Variants in ASB11 observed in about 807,000 individuals in gnomAD.
ASB11 encodes the protein ankyrin repeat and SOCS box containing 11.
In ASB11, 17 loss-of-function variants were observed where a neutral mutation model predicts 20.1. The observed-to-expected ratio is 0.85, with a 90% CI of 0.58 to 1.27. The LOEUF (loss-of-function observed/expected upper bound fraction) is 1.27. Among genes scored for constraint, ASB11 ranks in the 50% most tolerant of loss-of-function variants. The pLI is 0.00. For synonymous variants in ASB11, 107 were observed against 105.6 expected, an observed-to-expected ratio of 1.01 and a Z score of -0.08; for missense variants, 259 against 256.9, an observed-to-expected ratio of 1.01 and a Z score of -0.06.
At chrX:15,283,683 A>C in intron 6 of ASB11, 54 bp from the exon 7 acceptor site, 5 of 1,175,898 alleles carry the variant, frequency 4.3e-6, no homozygotes, top group Non-Finnish European at 4.6e-6. Context: ...GGTGGGGTGG[A>C]AGGGGGAAAT....
At chrX:15,287,070 T>C (rs2147685498) in intron 6 of ASB11, among the ~76,000 whole-genome samples, 1 of 111,965 alleles carries the variant, frequency 8.9e-6, no homozygotes, top group East Asian at 2.8e-4. Flanking sequence ...TTAATGCTCA[T>C]GGTGGAAACG....
At chrX:15,306,281 T>C (rs1322892207) in intron 1 of ASB11, among the ~76,000 whole-genome samples, 1 of 112,645 alleles carries the variant, frequency 8.9e-6, no homozygotes, top group African/African-American at 3.2e-5. Context: ...CCTTTAGGTA[T>C]ATACCCAGTA....
intron 6 of ASB11, among the ~76,000 whole-genome samples, chrX:15,284,089 A>G (rs1184596476): frequency 2.0e-4 from 21 of 106,045 alleles, no homozygotes; most frequent in Non-Finnish European, 3.9e-4. Flanking sequence ...CGTGTCCACT[A>G]AAAATACAAA....
At chrX:15,309,547 C>T (rs1283191121) in intron 1 of ASB11, among the ~76,000 whole-genome samples, 1 of 110,390 alleles carries the variant, frequency 9.1e-6, no homozygotes, top group Non-Finnish European at 1.9e-5. Context: ...AGAATCATCC[C>T]AAAACCATCC....
chrX:15,307,295 C>T (rs1490645254), intron 1 of ASB11, among the ~76,000 whole-genome samples: 2 of 111,740 alleles, frequency 1.8e-5, no homozygotes, highest in Non-Finnish European at 3.8e-5. Context: ...AGAACATGTA[C>T]CGTGTGATTT....
At chrX:15,302,899 G>A (rs1471500612) in intron 1 of ASB11, 92 bp from the exon 2 acceptor site, 2 of 645,757 alleles carry the variant, frequency 3.1e-6, no homozygotes, top group African/African-American at 4.4e-5. Context: ...GAGGTTTGGG[G>A]GAAGAGGAGG....
chrX:15,290,690 T>A (rs770681714), intron 4 of ASB11, among the ~76,000 whole-genome samples: 1 of 112,059 alleles, frequency 8.9e-6, no homozygotes, highest in African/African-American at 3.2e-5. Context: ...CCCTAAAAAA[T>A]CATGTCATTA....
At chrX:15,309,967 C>CAAAAAAAAAAAAAAAAAAAAAAAAA (rs60765469) in intron 1 of ASB11, among the ~76,000 whole-genome samples, 1 of 15,526 alleles carries the variant, frequency 6.4e-5, no homozygotes, top group African/African-American at 2.1e-4. Flanking sequence ...GACTCCGTCT[C>CAAAAAAAAAAAAAAAAAAAAAAAAA]AAAAAAAAAA....
chrX:15,309,983 A>AAAAAAAAAAAAAAAAAAAAC, intron 1 of ASB11, among the ~76,000 whole-genome samples: 1 of 103,963 alleles, frequency 9.6e-6, no homozygotes, highest in Non-Finnish European at 2.0e-5. Flanking sequence ...AAAAAAAAAA[A>AAAAAAAAAAAAAAAAAAAAC]AAAAAAAAGT....
chrX:15,313,854 A>G lies in ASB11; in HGVS notation c.181+1571T>C, dbSNP rs773554026. ...ATCATGAGGTCAGGAGTTCAAGACC[A>G]GCCTGGCCAACATGGTGAAACCCTG... On this transcript the variant is annotated intron_variant, in intron 1 of 6. Transcript: ENST00000480796. Among the ~76,000 whole-genome samples, 58 of 111,083 alleles carry G rather than the reference A, an allele frequency of 5.2e-4. No individual in the cohort carries two copies. In the Admixed American group the frequency reaches 5.5e-3, roughly 10 times the overall value.
chrX:15,303,008 G>A (rs1921123992), intron 1 of ASB11, among the ~76,000 whole-genome samples: 1 of 111,638 alleles, frequency 9.0e-6, no homozygotes, highest in South Asian at 3.7e-4. Context: ...GTTTGGTGGT[G>A]CGTGCCAAGA....
intron 4 of ASB11, among the ~76,000 whole-genome samples, chrX:15,291,377 T>C (rs1927525829): frequency 8.9e-6 from 1 of 112,033 alleles, no homozygotes; most frequent in Admixed American, 9.5e-5. Flanking sequence ...TGTATGGAAA[T>C]ACAAATAATA....
rs1927235792 is a variant in ASB11, at chrX:15,283,126, C to T, written c.*379G>A. The T allele has an allele frequency of 8.7e-6, 1 of 114,850 alleles. No individual in the cohort carries two copies. The highest frequency in any genetic ancestry group is 9.2e-5 in the Admixed American group (1 of 10,822). 9.5% of individuals were successfully genotyped at this position (114,850 alleles called of 1,213,427 possible). ...TAAATCAAGAACATATCTTGGAATACCTAACATTTGTTATAATCTTATCCA... is the reference window on the plus strand; with the variant it reads ...TAAATCAAGAACATATCTTGGAATATCTAACATTTGTTATAATCTTATCCA... On this transcript the variant is annotated 3_prime_UTR_variant, in exon 7 of 7. Transcript: ENST00000480796.
chrX:15,307,033 T>C (rs1010368896), intron 1 of ASB11, among the ~76,000 whole-genome samples: 6 of 112,201 alleles, frequency 5.3e-5, no homozygotes, highest in African/African-American at 1.6e-4. Context: ...CCTGAGTCAC[T>C]TGAAGGTACT....
intron 2 of ASB11, among the ~76,000 whole-genome samples, 161 bp from the exon 3 acceptor site, chrX:15,297,842 A>G (rs1250648433): frequency 1.8e-5 from 2 of 112,333 alleles, no homozygotes; most frequent in Admixed American, 1.9e-4. Flanking sequence ...AGCAGAAGAG[A>G]GTGAAATACT....
At chrX:15,293,126 G>C (rs755285639) in intron 4 of ASB11, 44 bp downstream of exon 4, 4 of 1,187,524 alleles carry the variant, frequency 3.4e-6, no homozygotes, top group Non-Finnish European at 4.5e-6. Flanking sequence ...ACAGATTGGA[G>C]TGAGCCCATC....
intron 3 of ASB11, among the ~76,000 whole-genome samples, chrX:15,296,988 A>G (rs758718843): frequency 8.9e-6 from 1 of 112,646 alleles, no homozygotes; most frequent in African/African-American, 3.2e-5. Context: ...CAACAGATGA[A>G]TGCATAAAGA....
intron 6 of ASB11, among the ~76,000 whole-genome samples, chrX:15,286,663 C>CAAAAAAAAAAAAAAAA (rs764801887): frequency 1.8e-5 from 1 of 54,408 alleles, no homozygotes; most frequent in African/African-American, 7.7e-5. Flanking sequence ...GACTCCATCT[C>CAAAAAAAAAAAAAAAA]AAAAAAAAAA....
rs1368098405 is a variant in ASB11 at position 15,293,161 on chromosome X, C to T, written c.520+9G>A. On this transcript the variant is annotated intron_variant, in intron 4 of 6. Transcript: ENST00000480796. Reference sequence around the variant, plus strand: ...CAATGTTTCACATGCATTGTGGTGGCTCATTTACCTCTCTTCACTGCCTCA... The same window carrying T: ...CAATGTTTCACATGCATTGTGGTGGTTCATTTACCTCTCTTCACTGCCTCA... The T allele has an allele frequency of 4.2e-6, 5 of 1,203,923 alleles. No individual in the cohort carries two copies. The highest frequency in any genetic ancestry group is 5.6e-6 in the Non-Finnish European group (5 of 892,210).
Sources: gnomAD v4.1 joint callset for allele counts (sites outside exome capture counted in the v4.1 genomes callset) on GRCh38, gnomAD v4.1.1 for gene constraint, MANE v1.5 for transcripts, NCBI Gene and HGNC (gene_info 2026-07-23, HGNC 2026-07-21) for gene names.